Variants in CACNA2D4 observed in about 807,000 individuals in gnomAD.
CACNA2D4 encodes the protein calcium voltage-gated channel auxiliary subunit alpha2delta 4, also known as voltage-dependent calcium channel subunit alpha-2/delta-4.
Under a neutral mutation model 163.8 loss-of-function variants are expected in CACNA2D4, and 157 were observed. The observed-to-expected ratio is 0.96, with a 90% CI of 0.84 to 1.09. The LOEUF (loss-of-function observed/expected upper bound fraction) is 1.09, where lower values mean the gene tolerates loss of function less well. CACNA2D4 is among the 50% of genes least tolerant of loss of function. The pLI is 0.00. For synonymous variants in CACNA2D4, 598 were observed against 586.9 expected, an observed-to-expected ratio of 1.02 and a Z score of -0.27; for missense variants, 1,410 against 1,479.9, an observed-to-expected ratio of 0.95 and a Z score of 0.78.
At chr12:1,812,710 T>C (rs954098587) in intron 26 of CACNA2D4, among the ~76,000 whole-genome samples, 1 of 152,230 alleles carries the variant, frequency 6.6e-6, no homozygotes, top group African/African-American at 2.4e-5. Context: ...AGTCACCAGC[T>C]TGTTAATCAC....
rs1349816852 is a variant in CACNA2D4 at position 1,798,510 on chromosome 12, C to G, written c.2996-975G>C. Among the ~76,000 whole-genome samples, 1 of 152,058 alleles carries G rather than the reference C, an allele frequency of 6.6e-6. No individual in the cohort carries two copies. Among genetic ancestry groups the G allele is most frequent in the Non-Finnish European group, 1.5e-5 (1 of 68,000 alleles). Reference sequence around the variant, plus strand: ...CTCACCGAGAGGAGCAAGCCCACAGCGGCCAGGGCTGTGAGTTTTGTCCCC... The same window carrying G: ...CTCACCGAGAGGAGCAAGCCCACAGGGGCCAGGGCTGTGAGTTTTGTCCCC... On this transcript the variant is annotated intron_variant, in intron 34 of 37. Transcript: ENST00000382722. The surrounding 1 kb of genome is among the most constrained non-coding windows in gnomAD (Gnocchi z 4.3).
chr12:1,846,743 G>T (rs1035187789), intron 23 of CACNA2D4, 54 bp from the exon 24 acceptor site: 72 of 1,430,278 alleles, frequency 5.0e-5, no homozygotes, highest in African/African-American at 3.9e-4. Flanking sequence ...CAAGAGCTTG[G>T]GGGCGACCTG....
intron 18 of CACNA2D4, among the ~76,000 whole-genome samples, chr12:1,860,735 C>T (rs1031289689): frequency 2.6e-5 from 4 of 152,178 alleles, no homozygotes; most frequent in Non-Finnish European, 5.9e-5. Flanking sequence ...GCACCATTCT[C>T]CCTCCACTGT....
At chr12:1,885,906 C>A in intron 9 of CACNA2D4, 59 bp downstream of exon 9, 1 of 1,257,088 alleles carries the variant, frequency 8.0e-7, no homozygotes, top group Non-Finnish European at 1.2e-6. Flanking sequence ...CAGAGACAAC[C>A]GCCCACCATC....
intron 26 of CACNA2D4, among the ~76,000 whole-genome samples, chr12:1,812,730 A>G (rs1863752000): frequency 1.3e-5 from 2 of 152,220 alleles, no homozygotes; most frequent in Admixed American, 6.5e-5. Flanking sequence ...CAGAAGCAGG[A>G]CTGCAGCCTG....
chr12:1,804,443 C>G (rs1443181648), intron 29 of CACNA2D4, among the ~76,000 whole-genome samples: 1 of 152,142 alleles, frequency 6.6e-6, no homozygotes, highest in Non-Finnish European at 1.5e-5. Flanking sequence ...GGTTTAGACC[C>G]TGGATTCTGA....
intron 23 of CACNA2D4, among the ~76,000 whole-genome samples, chr12:1,850,691 T>G (rs1592710191): frequency 6.6e-6 from 1 of 151,944 alleles, no homozygotes. Context: ...GATCATGAGG[T>G]CAGGAGATTG....
At chr12:1,801,535 T>C (rs1322367153) in intron 30 of CACNA2D4, 39 bp downstream of exon 30, 1 of 1,466,588 alleles carries the variant, frequency 6.8e-7, no homozygotes, top group Non-Finnish European at 9.4e-7. Context: ...CTCGGTTTGC[T>C]GTGTCTATTT....
Position 1,833,211 on chromosome 12 carries a change from C to T in CACNA2D4, c.2551+7528G>A, listed in dbSNP as rs528024317. Reference sequence around the variant, plus strand: ...TCGGCATCCCAGGGAAAGATTGATGCCTATTGTATGAGGAGACTTGCGGCA... The same window carrying T: ...TCGGCATCCCAGGGAAAGATTGATGTCTATTGTATGAGGAGACTTGCGGCA... On this transcript the variant is annotated intron_variant, in intron 26 of 37. Coordinates refer to ENST00000382722, the MANE Select transcript of CACNA2D4 (RefSeq NM_172364.5). The surrounding 1 kb of genome is among the most constrained non-coding windows in gnomAD (Gnocchi z 4.2). 1.3e-5 allele frequency among the ~76,000 whole-genome samples: 2 copies of T among 152,332 alleles called. No individual in the cohort carries two copies. The highest frequency in any genetic ancestry group is 4.8e-5 in the African/African-American group (2 of 41,560).
intron 26 of CACNA2D4, among the ~76,000 whole-genome samples, chr12:1,822,909 C>T (rs957200641): frequency 3.3e-5 from 5 of 152,192 alleles, no homozygotes; most frequent in Admixed American, 6.5e-5. Flanking sequence ...GGCCACTCTC[C>T]GGGCTCCCTC....
chr12:1,795,120 C>T, intron 37 of CACNA2D4, 179 bp downstream of exon 37: 1 of 604,290 alleles, frequency 1.7e-6, no homozygotes, highest in Non-Finnish European at 2.9e-6. Context: ...AAATAAAGAT[C>T]TGTTTCTTAT....
intron 29 of CACNA2D4, among the ~76,000 whole-genome samples, chr12:1,804,383 C>T (rs1343762545): frequency 6.6e-6 from 1 of 152,162 alleles, no homozygotes; most frequent in Non-Finnish European, 1.5e-5. Flanking sequence ...TTCCTACAAA[C>T]CTGTCCCATT....
In CACNA2D4 at chr12:1,802,970, CTCAG is replaced by C. The variant is rs1863391457; in HGVS notation, c.2722-1330_2722-1327del. ...CAAAGTGTCTTGGTACCTGGACATA[CTCAG>C]TCAGTGTGGAATGTTGATAGGGAAG... On this transcript the variant is annotated intron_variant, in intron 29 of 37. Transcript: ENST00000382722. The surrounding 1 kb of genome is among the most constrained non-coding windows in gnomAD (Gnocchi z 4.7). 2.0e-5 allele frequency among the ~76,000 whole-genome samples: 3 copies of C among 152,218 alleles called. No individual in the cohort carries two copies. Among genetic ancestry groups the C allele is most frequent in the Non-Finnish European group, 2.9e-5 (2 of 68,046 alleles).
In CACNA2D4 at chr12:1,834,884, C is replaced by G. The variant is rs546854029; in HGVS notation, c.2551+5855G>C. The G allele has an allele frequency of 2.9e-6, 4 of 1,365,380 alleles. No homozygotes were observed. The highest frequency in any genetic ancestry group is 2.9e-6 in the Non-Finnish European group (3 of 1,039,074). 84.6% of individuals were successfully genotyped at this position (1,365,380 alleles called of 1,614,324 possible). ...ACACCGGGTTCTCTCCCTGCACTTT[C>G]GAGGCTCCCTGAAAGCCACCGTGCT... is the stretch of plus-strand genomic sequence containing the variant. On this transcript the variant is annotated intron_variant, in intron 26 of 37. Transcript: ENST00000382722. The surrounding 1 kb of genome is among the most constrained non-coding windows in gnomAD (Gnocchi z 7.6).
At chr12:1,852,083 C>G (rs1311313069) in intron 23 of CACNA2D4, among the ~76,000 whole-genome samples, 1 of 152,128 alleles carries the variant, frequency 6.6e-6, no homozygotes, top group Non-Finnish European at 1.5e-5. Flanking sequence ...TTATAACCTG[C>G]TATTTTACTA....
At chr12:1,832,925 C>G (rs993041367) in intron 26 of CACNA2D4, among the ~76,000 whole-genome samples, 2 of 152,240 alleles carry the variant, frequency 1.3e-5, no homozygotes, top group African/African-American at 4.8e-5. Flanking sequence ...GGCTGCATCC[C>G]TGTCAGCACC....
At chr12:1,823,445 G>A (rs1248923309) in intron 26 of CACNA2D4, among the ~76,000 whole-genome samples, 2 of 152,098 alleles carry the variant, frequency 1.3e-5, no homozygotes, top group East Asian at 1.9e-4. Flanking sequence ...TGAGGGGGCC[G>A]AGTGGGGTGC....
At position 1,826,414 on chromosome 12, in the gene CACNA2D4, C is replaced by T. The variant is rs1024732498; in HGVS notation, c.2551+14325G>A. 2.7e-3 allele frequency among the ~76,000 whole-genome samples: 369 copies of T among 138,518 alleles called. 2 individuals carry two copies. The highest frequency in any genetic ancestry group is 9.6e-3 in the African/African-American group (349 of 36,496). The allele number at this position is 138,518 out of a possible 152,430, so 90.9% of individuals were successfully genotyped here. A position where few individuals can be genotyped will look rare whatever the true frequency, so the allele number is the denominator to read the frequency against. On this transcript the variant is annotated intron_variant, in intron 26 of 37. Transcript: ENST00000382722. ...TTGAACCCAGAGCCCCCCCCCCCCC[C>T]CCGCCAACTGGCACCAGGAGCCCAC...
chr12:1,891,982 C>T (rs1866294294), intron 6 of CACNA2D4, among the ~76,000 whole-genome samples: 2 of 152,068 alleles, frequency 1.3e-5, no homozygotes, highest in Non-Finnish European at 1.5e-5. Flanking sequence ...GCAAAAGAAA[C>T]AAAAAGGATG....
Sources: allele counts gnomAD v4.1 joint callset (sites outside exome capture counted in the v4.1 genomes callset), GRCh38; gene constraint gnomAD v4.1.1; non-coding constraint Gnocchi (gnomAD v3.1); transcripts MANE v1.5; gene names NCBI Gene and HGNC (gene_info 2026-07-23, HGNC 2026-07-21).